Variants in ZNF257 observed in about 807,000 individuals in gnomAD.
The protein encoded by ZNF257 is zinc finger protein 257.
ZNF257 carries 12 observed loss-of-function variants against 11.9 expected under a neutral mutation model. The ratio of observed to expected loss-of-function variants is 1.01; its 90% CI spans 0.65 to 1.63. ZNF257 has a LOEUF of 1.63. Ranked by LOEUF, ZNF257 falls within the 40% of genes most tolerant of loss-of-function variation. The pLI is 0.00. For missense variants in ZNF257, 580 were observed against 665.5 expected (o/e 0.87, Z 1.41); for synonymous variants, 183 against 222.7 (o/e 0.82, Z 1.59).
At chr19:22,078,884 C>G (rs1186785221) in intron 3 of ZNF257, among the ~76,000 whole-genome samples, 1 of 151,696 alleles carries the variant, frequency 6.6e-6, no homozygotes, top group East Asian at 1.9e-4. Context: ...CCTCCACCTC[C>G]CGGGTTCAAG....
chr19:22,053,063 G>T (rs555192087), intron 1 of ZNF257, among the ~76,000 whole-genome samples: 3 of 152,202 alleles, frequency 2.0e-5, no homozygotes, highest in Admixed American at 6.5e-5. Context: ...AAATATTAAA[G>T]AATTTAATTA....
Position 22,088,120 on chromosome 19 carries a change from A to C in ZNF257, c.370A>C (p.Lys124Gln). 2 of 1,610,820 alleles carry C rather than the reference A, an allele frequency of 1.2e-6. No individual in the cohort carries two copies. Among genetic ancestry groups the C allele is most frequent in the Non-Finnish European group, 1.7e-6 (2 of 1,178,028 alleles). ...GGGCTGTAAAAGTGTGGATGAGTGT[A>C]AGGTGTGCAAAGGAGGTTATAATGG... Reference protein sequence around the residue: ...RKGCKSVDECKVCKGGYNGLN... With the variant: ...RKGCKSVDECQVCKGGYNGLN... The change falls in exon 4 of 4, where the codon AAG becomes CAG. Residue 124 changes from lysine to glutamine, a missense_variant. Lys to Gln is a moderately conservative substitution (Grantham distance 53). Coordinates refer to ENST00000594947, the MANE Select transcript of ZNF257 (RefSeq NM_033468.4).
intron 1 of ZNF257, among the ~76,000 whole-genome samples, chr19:22,055,601 C>G (rs1042578857): frequency 6.6e-6 from 1 of 152,156 alleles, no homozygotes; most frequent in African/African-American, 2.4e-5. Context: ...TCCTGGGCCA[C>G]TCAGTGGGGC....
intron 3 of ZNF257, among the ~76,000 whole-genome samples, chr19:22,084,474 GTC>G (rs2022429611): frequency 6.6e-6 from 1 of 150,608 alleles, no homozygotes; most frequent in South Asian, 2.1e-4. Context: ...GTACTTTGTT[GTC>G]TCTTGCAATA....
At chr19:22,080,569 C>T (rs1180267909) in intron 3 of ZNF257, among the ~76,000 whole-genome samples, 8 of 151,458 alleles carry the variant, frequency 5.3e-5, no homozygotes, top group South Asian at 4.2e-4. Flanking sequence ...TACAGTCTGC[C>T]GAACTGTGAG....
chr19:22,063,521 T>C (rs2021862919), intron 1 of ZNF257, among the ~76,000 whole-genome samples: 1 of 152,246 alleles, frequency 6.6e-6, no homozygotes, highest in African/African-American at 2.4e-5. Flanking sequence ...TACCACTGCC[T>C]TAGCTGTGTT....
chr19:22,063,031 G>T (rs988168742), intron 1 of ZNF257, among the ~76,000 whole-genome samples: 5 of 152,100 alleles, frequency 3.3e-5, no homozygotes, highest in Admixed American at 3.3e-4. Flanking sequence ...CTTGTTATTT[G>T]TCTATTCAGG....
intron 3 of ZNF257, among the ~76,000 whole-genome samples, chr19:22,077,988 C>T (rs1387339645): frequency 6.6e-6 from 1 of 151,230 alleles, no homozygotes; most frequent in Non-Finnish European, 1.5e-5. Context: ...GCTTGTAATC[C>T]TAGCACTTTG....
intron 1 of ZNF257, among the ~76,000 whole-genome samples, chr19:22,058,881 A>G (rs535997467): frequency 3.2e-4 from 49 of 150,978 alleles, no homozygotes; most frequent in African/African-American, 1.1e-3. Context: ...GAATTTCACC[A>G]CAGCATTTTT....
intron 1 of ZNF257, among the ~76,000 whole-genome samples, chr19:22,072,264 C>T (rs1257366667): frequency 3.3e-5 from 5 of 152,052 alleles, no homozygotes; most frequent in African/African-American, 1.2e-4. Flanking sequence ...TTTTATGCAG[C>T]GGATGTGCAT....
intron 3 of ZNF257, among the ~76,000 whole-genome samples, chr19:22,079,657 C>A (rs2022315741): frequency 6.6e-6 from 1 of 152,072 alleles, no homozygotes; most frequent in Non-Finnish European, 1.5e-5. Flanking sequence ...AATTACCTCT[C>A]CCTGTCTCTC....
chr19:22,053,366 C>CAAAA lies in ZNF257; in HGVS notation c.3+756_3+759dup, dbSNP rs61426953. 2.3e-3 allele frequency among the ~76,000 whole-genome samples: 179 copies of CAAAA among 76,446 alleles called. 12 individuals are homozygous for CAAAA. The highest frequency in any genetic ancestry group is 0.016 in the East Asian group (31 of 1,894). The allele number at this position is 76,446 out of a possible 152,430, so 50.2% of individuals were successfully genotyped here. A position where few individuals can be genotyped will look rare whatever the true frequency, so the allele number is the denominator to read the frequency against. The stretch of plus-strand genomic sequence containing the variant: ...CTGAAGACAGAGCGAGACTCCGTCT[C>CAAAA]AAAAAAAAAAAAAAAAAAAAAAAAA... On this transcript the variant is annotated intron_variant, in intron 1 of 3. Transcript: ENST00000594947.
intron 3 of ZNF257, chr19:22,087,684 G>T: frequency 1.3e-6 from 1 of 760,514 alleles, no homozygotes; most frequent in Non-Finnish European, 1.8e-6. Context: ...TGAGGAGAAG[G>T]AAGTACTGTG....
chr19:22,071,066 C>T (rs2022091751), intron 1 of ZNF257, among the ~76,000 whole-genome samples: 1 of 151,968 alleles, frequency 6.6e-6, no homozygotes. Flanking sequence ...CCAGAATCAA[C>T]AATGAAGGGT....
rs1204905158 is a variant in ZNF257, at chr19:22,089,300, G to A, written c.1550G>A (p.Cys517Tyr). 1 of 1,613,700 alleles carries A rather than the reference G, an allele frequency of 6.2e-7. No homozygotes were observed. The highest frequency in any genetic ancestry group is 8.5e-7 in the Non-Finnish European group (1 of 1,179,892). ...CATACTGGAGAGAAACCCTACAAAT[G>A]TGAAGAATGTGGCAAGCCTTTTAAT... ...IIHTGEKPYK[C>Y]EECGKPFNRF... Residue 517 changes from cysteine to tyrosine, a missense_variant, in exon 4 of 4, where the codon TGT (cysteine) becomes TAT (tyrosine). By Grantham distance (194) the Cys-to-Tyr change is radical (BLOSUM62 -2). Coordinates refer to ENST00000594947, the MANE Select transcript of ZNF257 (RefSeq NM_033468.4).
chr19:22,080,400 A>G (rs181660167), intron 3 of ZNF257, among the ~76,000 whole-genome samples: 1 of 152,214 alleles, frequency 6.6e-6, no homozygotes, highest in East Asian at 1.9e-4. Context: ...TATTAATTCA[A>G]AAGAGAGCTG....
chr19:22,056,996 C>T (rs1489695721), intron 1 of ZNF257, among the ~76,000 whole-genome samples: 3 of 152,010 alleles, frequency 2.0e-5, no homozygotes, highest in South Asian at 2.1e-4. Context: ...GCAGGGAAAA[C>T]TTGTGATAGT....
In ZNF257 at chr19:22,089,084, A is replaced by C; in HGVS notation, c.1334A>C (p.Tyr445Ser). Residue 445 changes from tyrosine (Y) to serine (S), a missense_variant, in exon 4 of 4, where the codon TAC (tyrosine) becomes TCC (serine). Coordinates refer to ENST00000594947, the MANE Select transcript of ZNF257 (RefSeq NM_033468.4). ...ECGKAFNRSS[Y>S]LIRHKIIHTG... The stretch of plus-strand genomic sequence containing the variant: ...GGCAAAGCCTTTAACCGGTCTTCAT[A>C]CCTTATTCGACATAAGATAATTCAT... 1 of 1,612,012 alleles carries C rather than the reference A, an allele frequency of 6.2e-7. No individual in the cohort carries two copies. Among genetic ancestry groups the C allele is most frequent in the Non-Finnish European group, 8.5e-7 (1 of 1,179,378 alleles).
intron 1 of ZNF257, among the ~76,000 whole-genome samples, chr19:22,066,625 A>G (rs1159535609): frequency 6.6e-6 from 1 of 152,130 alleles, no homozygotes; most frequent in Non-Finnish European, 1.5e-5. Context: ...CTAATCAACC[A>G]TTTTTGTAGA....
Sources: allele counts gnomAD v4.1 joint callset (sites outside exome capture counted in the v4.1 genomes callset), GRCh38; gene constraint gnomAD v4.1.1; transcripts MANE v1.5; gene names NCBI Gene and HGNC (gene_info 2026-07-23, HGNC 2026-07-21).